GSK3B: variants seen among roughly 807,000 people sequenced by gnomAD.
The protein encoded by GSK3B is glycogen synthase kinase-3 beta.
A neutral mutation model predicts 56.4 loss-of-function variants in GSK3B; 15 were observed. That is an observed-to-expected ratio of 0.27 (90% CI 0.18 to 0.41). GSK3B has a LOEUF of 0.41. GSK3B is among the 10% of genes least tolerant of loss of function. The probability of loss-of-function intolerance (pLI) is 1.00; values close to 1 mark genes in which losing one functional copy is unlikely to be tolerated. For missense variants in GSK3B, 300 were observed against 513.4 expected (o/e 0.58, Z 4.02); for synonymous variants, 181 against 188.9 (o/e 0.96, Z 0.34).
intron 1 of GSK3B, among the ~76,000 whole-genome samples, chr3:120,022,069 C>T (rs1295971291): frequency 2.6e-5 from 4 of 152,188 alleles, no homozygotes; most frequent in African/African-American, 4.8e-5. Context: ...TATCAAACAG[C>T]ATCTCATGCA....
At position 120,034,603 on chromosome 3, in the gene GSK3B, T is replaced by A. The variant is rs143265233; in HGVS notation, c.89-32364A>T. Among the ~76,000 whole-genome samples, 647 of 152,334 alleles carry A rather than the reference T, an allele frequency of 4.2e-3. 1 individual carries two copies. Among genetic ancestry groups the A allele is most frequent in the African/African-American group, 0.015 (611 of 41,568 alleles). On this transcript the variant is annotated intron_variant, in intron 1 of 10. Coordinates refer to ENST00000264235, the MANE Select transcript of GSK3B (RefSeq NM_001146156.2). The stretch of plus-strand genomic sequence containing the variant: ...ATCTATATCCAAGCGCCACACCGTC[T>A]GGATTGATGTAAATTTTTAAATTGA...
At chr3:119,847,856 GAA>G (rs2055876225) in intron 9 of GSK3B, among the ~76,000 whole-genome samples, 1 of 152,148 alleles carries the variant, frequency 6.6e-6, no homozygotes, top group Non-Finnish European at 1.5e-5. Context: ...ATATGAATGA[GAA>G]TGTGTGTCTG....
At chr3:119,973,378 C>T (rs192086427) in intron 2 of GSK3B, among the ~76,000 whole-genome samples, 8 of 152,308 alleles carry the variant, frequency 5.3e-5, no homozygotes, top group Admixed American at 2.0e-4. Context: ...ATTTGTCCAG[C>T]ACATCCACAC....
At chr3:119,931,956 CA>C (rs1553735714) in intron 3 of GSK3B, among the ~76,000 whole-genome samples, 1 of 152,060 alleles carries the variant, frequency 6.6e-6, no homozygotes, top group Non-Finnish European at 1.5e-5. Flanking sequence ...CTATGAACTC[CA>C]CATTAAAACC....
intron 1 of GSK3B, chr3:120,041,324 C>A: frequency 3.3e-6 from 1 of 304,164 alleles, no homozygotes. Context: ...TATCCACCGG[C>A]ATTTATTGTA....
chr3:120,003,494 T>C (rs940102735), intron 1 of GSK3B, among the ~76,000 whole-genome samples: 4 of 152,244 alleles, frequency 2.6e-5, no homozygotes, highest in Non-Finnish European at 5.9e-5. Flanking sequence ...GGCTCACTTA[T>C]TGGACTTTTA....
intron 2 of GSK3B, among the ~76,000 whole-genome samples, chr3:119,982,902 T>C (rs1047053758): frequency 2.0e-5 from 3 of 152,062 alleles, no homozygotes; most frequent in South Asian, 2.1e-4. Context: ...AGACACATAA[T>C]TGACAGATTC....
At chr3:119,858,177 C>A (rs1168383902) in intron 9 of GSK3B, among the ~76,000 whole-genome samples, 1 of 152,164 alleles carries the variant, frequency 6.6e-6, no homozygotes, top group East Asian at 1.9e-4. Flanking sequence ...CTTAAAATCA[C>A]CAGCTGTCTT....
chr3:119,950,948 C>T (rs1164210004), intron 2 of GSK3B, among the ~76,000 whole-genome samples: 2 of 152,122 alleles, frequency 1.3e-5, no homozygotes, highest in Non-Finnish European at 2.9e-5. Flanking sequence ...GAGCAAAAAC[C>T]CATGCCTAGT....
chr3:119,884,985 C>A (rs981773627), intron 7 of GSK3B, among the ~76,000 whole-genome samples: 6 of 151,920 alleles, frequency 3.9e-5, no homozygotes, highest in Non-Finnish European at 7.4e-5. Flanking sequence ...GAAGTGCTAG[C>A]CAGAGCAATC....
chr3:119,995,162 C>CAA (rs1365906440), intron 2 of GSK3B, among the ~76,000 whole-genome samples: 10 of 67,754 alleles, frequency 1.5e-4, no homozygotes, highest in Admixed American at 3.3e-4. Context: ...ACTGTCTCTA[C>CAA]AAAAAAAAAA....
chr3:120,037,328 T>C (rs1034775852), intron 1 of GSK3B, among the ~76,000 whole-genome samples: 1 of 152,122 alleles, frequency 6.6e-6, no homozygotes, highest in Admixed American at 6.6e-5. Flanking sequence ...AAGCAATAAT[T>C]TAAAAGTAAT....
chr3:120,047,731 C>A (rs935825351), intron 1 of GSK3B, among the ~76,000 whole-genome samples: 2 of 152,128 alleles, frequency 1.3e-5, no homozygotes, highest in Non-Finnish European at 2.9e-5. Flanking sequence ...GGAAGACAAA[C>A]TAATATATGT....
At chr3:119,889,257 C>T (rs530970552) in intron 7 of GSK3B, among the ~76,000 whole-genome samples, 30 of 152,204 alleles carry the variant, frequency 2.0e-4, no homozygotes, top group African/African-American at 7.2e-4. Flanking sequence ...TGTAAAATTC[C>T]TCTCTTTGTA....
intron 1 of GSK3B, among the ~76,000 whole-genome samples, chr3:120,037,540 T>C (rs935028879): frequency 2.6e-5 from 4 of 152,030 alleles, no homozygotes; most frequent in Admixed American, 6.6e-5. Flanking sequence ...TAATACGTCA[T>C]ATGCAAAGGA....
intron 6 of GSK3B, among the ~76,000 whole-genome samples, chr3:119,910,477 TA>T (rs111276101): frequency 3.3e-5 from 5 of 151,472 alleles, no homozygotes; most frequent in African/African-American, 9.7e-5. Context: ...ACTTTATTAC[TA>T]AAAAAAAATG....
intron 1 of GSK3B, among the ~76,000 whole-genome samples, chr3:120,048,413 A>G (rs2058121065): frequency 6.6e-6 from 1 of 152,216 alleles, no homozygotes; most frequent in African/African-American, 2.4e-5. Flanking sequence ...TAGCATAGTC[A>G]CTAAGAGCAT....
chr3:120,013,439 G>A (rs188275966), intron 1 of GSK3B, among the ~76,000 whole-genome samples: 1 of 152,268 alleles, frequency 6.6e-6, no homozygotes, highest in African/African-American at 2.4e-5. Context: ...TATGAATAAG[G>A]TGTACTACAA....
chr3:120,011,479 C>CA (rs2057778251), intron 1 of GSK3B, among the ~76,000 whole-genome samples: 1 of 152,108 alleles, frequency 6.6e-6, no homozygotes, highest in Non-Finnish European at 1.5e-5. Context: ...GTATTAAAAG[C>CA]AGAGTGGAAA....
Sources: allele counts gnomAD v4.1 joint callset (sites outside exome capture counted in the v4.1 genomes callset), GRCh38; gene constraint gnomAD v4.1.1; transcripts MANE v1.5; gene names NCBI Gene and HGNC (gene_info 2026-07-23, HGNC 2026-07-21).